PDE4D: variants seen among roughly 807,000 people sequenced by gnomAD.
The protein encoded by PDE4D is phosphodiesterase 4D, also known as 3',5'-cyclic-AMP phosphodiesterase 4D.
PDE4D carries 24 observed loss-of-function variants against 87.4 expected under a neutral mutation model. The observed-to-expected ratio is 0.27, with a 90% CI of 0.20 to 0.39. The LOEUF is 0.39. PDE4D is among the 10% of genes least tolerant of loss of function. The probability of loss-of-function intolerance (pLI) is 1.00; values close to 1 mark genes in which losing one functional copy is unlikely to be tolerated. For missense variants in PDE4D, 714 were observed against 1,041.0 expected (o/e 0.69, Z 4.32); for synonymous variants, 384 against 383.2 (o/e 1.00, Z -0.02).
chr5:59,335,086 A>G (rs1013202150), intron 1 of PDE4D, among the ~76,000 whole-genome samples: 16 of 151,986 alleles, frequency 1.1e-4, no homozygotes, highest in African/African-American at 4.8e-5. Flanking sequence ...AATGCATTTT[A>G]TCTAATTATG....
At chr5:60,251,640 C>A (rs112832161) in intron 1 of PDE4D, among the ~76,000 whole-genome samples, 2,047 of 151,948 alleles carry the variant, frequency 0.013, 68 homozygotes, top group East Asian at 0.13. Context: ...GATTCCATAT[C>A]TTTGCTATTA....
At chr5:60,337,659 G>A (rs996188830) in intron 1 of PDE4D, among the ~76,000 whole-genome samples, 3 of 151,638 alleles carry the variant, frequency 2.0e-5, no homozygotes, top group Non-Finnish European at 4.4e-5. Context: ...TACACTACTC[G>A]GTATCAGACG....
chr5:59,466,108 AAATAG>A (rs1315435348), intron 1 of PDE4D, among the ~76,000 whole-genome samples: 2 of 152,214 alleles, frequency 1.3e-5, no homozygotes, highest in Non-Finnish European at 2.9e-5. Context: ...AAATTATGAA[AAATAG>A]AATATAACAA....
chr5:58,991,047 G>C, intron 8 of PDE4D, 145 bp from the exon 9 acceptor site: 1 of 572,888 alleles, frequency 1.7e-6, no homozygotes, highest in Admixed American at 3.1e-5. Context: ...TTGGGAGGCT[G>C]AGGCGGGCAG....
intron 2 of PDE4D, among the ~76,000 whole-genome samples, chr5:60,051,397 A>G (rs1164576342): frequency 6.6e-6 from 1 of 152,184 alleles, no homozygotes; most frequent in Non-Finnish European, 1.5e-5. Context: ...TCAAAACCAC[A>G]CAACTACATG....
rs113609640 is a variant in PDE4D, at chr5:60,044,747, C to A, written c.43-56030G>T. 7.1e-3 allele frequency among the ~76,000 whole-genome samples: 1,077 copies of A among 152,300 alleles called. 11 individuals carry two copies. The highest frequency in any genetic ancestry group is 0.025 in the African/African-American group (1,025 of 41,552). On this transcript the variant is annotated intron_variant, in intron 2 of 16. Coordinates refer to the PDE4D transcript ENST00000502484. ...GCATGGTGTATATGTGCCACATTTT[C>A]TTAATCCAGTCTATCATTGATGGAC...
chr5:60,473,080 G>C (rs1747936141), intron 1 of PDE4D, among the ~76,000 whole-genome samples: 2 of 134,096 alleles, frequency 1.5e-5, no homozygotes, highest in Admixed American at 1.5e-4. Flanking sequence ...GGGAGAGACA[G>C]AGAGAGAGAG....
rs547968697 is a variant in PDE4D at position 59,344,627 on chromosome 5, G to A, written c.456-128659C>T. 9.2e-5 allele frequency among the ~76,000 whole-genome samples: 14 copies of A among 152,062 alleles called. No individual in the cohort carries two copies. In the East Asian group the frequency reaches 1.2e-3, roughly 13 times the overall value. On this transcript the variant is annotated intron_variant, in intron 1 of 14. Coordinates refer to ENST00000340635, the MANE Select transcript of PDE4D (RefSeq NM_001104631.2). ...TAGCACAGGCTGGTGTCAAACTCTT[G>A]GACTCAGGCGATCCTCCCACCTCAC...
intron 1 of PDE4D, among the ~76,000 whole-genome samples, chr5:60,441,189 T>C (rs1583780484): frequency 6.6e-6 from 1 of 152,082 alleles, no homozygotes; most frequent in East Asian, 1.9e-4. Context: ...CTTCAAACTA[T>C]ACTACAAGGC....
chr5:59,459,044 T>G (rs1013841773), intron 1 of PDE4D, among the ~76,000 whole-genome samples: 3 of 152,242 alleles, frequency 2.0e-5, no homozygotes, highest in African/African-American at 7.2e-5. Flanking sequence ...ATTCGATGAT[T>G]AATTTATTTT....
In PDE4D at chr5:58,977,418, G is replaced by T. The variant is rs1744071290; in HGVS notation, c.1553-73C>A. ...AGTTTATCTGATTCTTAAAATTCTG[G>T]ATTTAGGATGTAATTTCCCCTAAAC... On this transcript the variant is annotated intron_variant, in intron 11 of 14. Transcript: ENST00000340635. The T allele has an allele frequency of 2.8e-6, 4 of 1,412,374 alleles. No homozygotes were observed. In the Admixed American group the frequency reaches 8.2e-5, roughly 29 times the overall value. 87.5% of individuals were successfully genotyped at this position (1,412,374 alleles called of 1,614,324 possible). A position where few individuals can be genotyped will look rare whatever the true frequency, so the allele number is the denominator to read the frequency against.
chr5:59,502,726 C>CT (rs1808533196), intron 1 of PDE4D, among the ~76,000 whole-genome samples: 1 of 142,216 alleles, frequency 7.0e-6, no homozygotes, highest in East Asian at 2.1e-4. Flanking sequence ...TGTTTTATCT[C>CT]TTTTTTTGTA....
chr5:59,431,740 C>T (rs965614395), intron 1 of PDE4D, among the ~76,000 whole-genome samples: 1 of 151,952 alleles, frequency 6.6e-6, no homozygotes, highest in African/African-American at 2.4e-5. Flanking sequence ...GATATTAAAC[C>T]CAGTACCCAA....
At chr5:60,167,426 G>A (rs1039605301) in intron 2 of PDE4D, among the ~76,000 whole-genome samples, 2 of 151,300 alleles carry the variant, frequency 1.3e-5, no homozygotes, top group Non-Finnish European at 3.0e-5. Flanking sequence ...CCGCCACCTC[G>A]CCCGGCTAAT....
chr5:59,858,979 G>T (rs1217700688), intron 1 of PDE4D, among the ~76,000 whole-genome samples: 4 of 152,148 alleles, frequency 2.6e-5, no homozygotes, highest in Non-Finnish European at 5.9e-5. Flanking sequence ...CACTGCACAA[G>T]TACTGAAGCA....
At chr5:60,437,096 A>T (rs1744819904) in intron 1 of PDE4D, among the ~76,000 whole-genome samples, 1 of 152,012 alleles carries the variant, frequency 6.6e-6, no homozygotes, top group Non-Finnish European at 1.5e-5. Context: ...TCTCCCCCAC[A>T]TCATTTCCTC....
intron 1 of PDE4D, among the ~76,000 whole-genome samples, chr5:59,870,084 A>G (rs1163386040): frequency 6.6e-6 from 1 of 152,242 alleles, no homozygotes; most frequent in African/African-American, 2.4e-5. Flanking sequence ...GGAATTTTCC[A>G]TAAAGTCTCA....
chr5:59,978,885 A>G (rs559374907), intron 3 of PDE4D, among the ~76,000 whole-genome samples: 1 of 152,198 alleles, frequency 6.6e-6, no homozygotes, highest in Admixed American at 6.5e-5. Flanking sequence ...AATGTTTCTG[A>G]CTTGCTGAAG....
chr5:59,404,627 T>G (rs1211251310), intron 1 of PDE4D, among the ~76,000 whole-genome samples: 1 of 146,380 alleles, frequency 6.8e-6, no homozygotes, highest in Non-Finnish European at 1.5e-5. Flanking sequence ...CCACTGCACT[T>G]CAGCCTCCAG....
Sources: allele counts gnomAD v4.1 joint callset (sites outside exome capture counted in the v4.1 genomes callset), GRCh38; gene constraint gnomAD v4.1.1; transcripts MANE v1.5; gene names NCBI Gene and HGNC (gene_info 2026-07-23, HGNC 2026-07-21).